CSMD1: variants seen among roughly 807,000 people sequenced by gnomAD.
CSMD1 encodes CUB and Sushi multiple domains 1.
A neutral mutation model predicts 417.5 loss-of-function variants in CSMD1; 213 were observed. That is an observed-to-expected ratio of 0.51 (90% CI 0.46 to 0.57). The LOEUF is 0.57. Ranked by LOEUF, CSMD1 falls within the 20% of genes least tolerant of loss-of-function variation. The pLI, the probability that CSMD1 is intolerant of heterozygous loss-of-function variation, is 0.00. For missense variants in CSMD1, 6,923 were observed against 4,529.7 expected (o/e 1.53, Z -15.17); for synonymous variants, 2,862 against 1,736.8 (o/e 1.65, Z -16.11).
chr8:4,250,744 A>G (rs936942286), intron 3 of CSMD1, among the ~76,000 whole-genome samples: 7 of 152,196 alleles, frequency 4.6e-5, no homozygotes, highest in African/African-American at 1.7e-4. Flanking sequence ...TTTGCAAAGA[A>G]AAACTGTAAA....
chr8:2,977,557 A>T (rs1377040676), intron 55 of CSMD1, among the ~76,000 whole-genome samples: 1 of 152,202 alleles, frequency 6.6e-6, no homozygotes, highest in Admixed American at 6.5e-5. Flanking sequence ...TGCTGCAGTG[A>T]ACATACACAT....
chr8:4,369,840 C>T (rs375711949), intron 3 of CSMD1, among the ~76,000 whole-genome samples: 17 of 152,216 alleles, frequency 1.1e-4, no homozygotes, highest in East Asian at 9.7e-4. Flanking sequence ...ACTTGTAAGA[C>T]GAGTATCTGG....
chr8:3,168,903 T>C (rs893937678), intron 37 of CSMD1, among the ~76,000 whole-genome samples: 2 of 149,664 alleles, frequency 1.3e-5, no homozygotes, highest in African/African-American at 4.9e-5. Context: ...AAAATACCTT[T>C]AGGGGAAGTA....
At chr8:4,553,069 C>A (rs2130573124) in intron 2 of CSMD1, among the ~76,000 whole-genome samples, 1 of 152,300 alleles carries the variant, frequency 6.6e-6, no homozygotes, top group South Asian at 2.1e-4. Flanking sequence ...TAAAATAACA[C>A]CACTCTCTAG....
At chr8:3,301,042 A>T (rs1427528046) in intron 25 of CSMD1, among the ~76,000 whole-genome samples, 2 of 151,922 alleles carry the variant, frequency 1.3e-5, no homozygotes, top group Admixed American at 1.3e-4. Context: ...TTAATGGTAC[A>T]TGTCCACACC....
intron 3 of CSMD1, among the ~76,000 whole-genome samples, chr8:4,170,804 T>G (rs962666595): frequency 1.3e-5 from 2 of 151,926 alleles, no homozygotes; most frequent in African/African-American, 4.9e-5. Flanking sequence ...GGGGATTACC[T>G]ATGTATTCAT....
At chr8:4,840,788 T>G (rs895722715) in intron 1 of CSMD1, among the ~76,000 whole-genome samples, 3 of 152,256 alleles carry the variant, frequency 2.0e-5, no homozygotes, top group Admixed American at 6.5e-5. Flanking sequence ...CATGTCGTTA[T>G]GCACAGGGCT....
chr8:3,364,671 C>T (rs905309339), intron 20 of CSMD1, among the ~76,000 whole-genome samples: 5 of 152,172 alleles, frequency 3.3e-5, no homozygotes, highest in Admixed American at 2.6e-4. Context: ...TTCTCTTTTA[C>T]CCCATGGGGA....
chr8:3,206,636 G>A (rs1390239998), intron 30 of CSMD1, among the ~76,000 whole-genome samples: 1 of 142,834 alleles, frequency 7.0e-6, no homozygotes, highest in Non-Finnish European at 1.5e-5. Flanking sequence ...GGTTATGTCT[G>A]TGTGTGTGTG....
At chr8:3,780,381 G>C (rs922051857) in intron 5 of CSMD1, among the ~76,000 whole-genome samples, 1 of 152,162 alleles carries the variant, frequency 6.6e-6, no homozygotes, top group African/African-American at 2.4e-5. Context: ...AGGCGGCCTG[G>C]TCCTTAATTA....
intron 4 of CSMD1, among the ~76,000 whole-genome samples, chr8:4,019,309 A>G (rs891690870): frequency 2.0e-5 from 3 of 152,122 alleles, no homozygotes; most frequent in Non-Finnish European, 4.4e-5. Context: ...CAGGCTTGGA[A>G]TGTTTCTGTG....
chr8:3,493,635 G>T lies in CSMD1; in HGVS notation c.1436C>A (p.Ser479Ter). 6.2e-7 allele frequency: 1 copy of T among 1,609,928 alleles called. No homozygotes were observed. The highest frequency in any genetic ancestry group is 8.5e-7 in the Non-Finnish European group (1 of 1,178,144). Reference protein sequence around the residue: ...GDAGKVGDTRSVLYVLTGSSV... With the variant: ...GDAGKVGDTR ...AGGACATACTCACACGTACAAGACC[G>T]ATCTGGTGTCTCCCACCTTCCCAGC... The change falls in exon 11 of 70, where the codon TCG becomes TAG. Residue 479 changes from serine (S) to a stop codon, truncating the protein, a stop_gained. Transcript: ENST00000635120. LOFTEE classifies it high-confidence loss of function.
At chr8:3,160,854 C>G (rs1386275679) in intron 38 of CSMD1, among the ~76,000 whole-genome samples, 2 of 152,184 alleles carry the variant, frequency 1.3e-5, no homozygotes, top group African/African-American at 4.8e-5. Context: ...ACCCCTTTAG[C>G]ATTCAGCGTT....
chr8:4,309,271 C>A (rs1306255757), intron 3 of CSMD1, among the ~76,000 whole-genome samples: 1 of 152,024 alleles, frequency 6.6e-6, no homozygotes, highest in East Asian at 1.9e-4. Context: ...ACTAATTATT[C>A]AGCTTCTTCA....
At chr8:3,265,545 A>G (rs1801372985) in intron 26 of CSMD1, among the ~76,000 whole-genome samples, 1 of 152,172 alleles carries the variant, frequency 6.6e-6, no homozygotes, top group African/African-American at 2.4e-5. Context: ...AGGGAGTAGC[A>G]CACTCCTGTT....
intron 5 of CSMD1, among the ~76,000 whole-genome samples, chr8:3,896,590 C>G (rs1043159180): frequency 5.3e-5 from 8 of 151,996 alleles, no homozygotes; most frequent in African/African-American, 1.9e-4. Flanking sequence ...CGGCTCACCG[C>G]AAGCTCTGCC....
intron 3 of CSMD1, among the ~76,000 whole-genome samples, chr8:4,363,048 G>C (rs1361456888): frequency 1.3e-5 from 2 of 152,136 alleles, no homozygotes; most frequent in Non-Finnish European, 2.9e-5. Context: ...CTACGGAAGG[G>C]AGAAAATTGA....
intron 10 of CSMD1, among the ~76,000 whole-genome samples, chr8:3,515,896 G>C (rs13275418): frequency 2.6e-5 from 4 of 152,206 alleles, no homozygotes; most frequent in African/African-American, 7.2e-5. Flanking sequence ...TCTTGAAATA[G>C]TGTTTGGTTA....
Position 3,599,727 on chromosome 8 carries a change from C to T in CSMD1, c.1098-13467G>A, listed in dbSNP as rs142330265. ...TGCTGCATGCCCAGATTGGCGCCAA[C>T]CTATACCTTGCACTCCTCTCTTCTT... On this transcript the variant is annotated intron_variant, in intron 8 of 69. Transcript: ENST00000635120. Among the ~76,000 whole-genome samples the T allele has an allele frequency of 2.1e-3, 314 of 152,310 alleles. 1 individual carries two copies. The highest frequency in any genetic ancestry group is 7.2e-3 in the African/African-American group (301 of 41,564).
Sources: allele counts gnomAD v4.1 joint callset (sites outside exome capture counted in the v4.1 genomes callset), GRCh38; gene constraint gnomAD v4.1.1; transcripts MANE v1.5; gene names NCBI Gene and HGNC (gene_info 2026-07-23, HGNC 2026-07-21).